Variants in EDA observed in about 807,000 individuals in gnomAD.
EDA encodes ectodysplasin-A.
EDA carries 2 observed loss-of-function variants against 23.6 expected under a neutral mutation model. The observed-to-expected ratio is 0.08, with a 90% CI of 0.03 to 0.27. EDA has a LOEUF of 0.27. Among genes scored for constraint, EDA ranks in the 10% least tolerant of loss-of-function variants. EDA has a pLI of 1.00. For synonymous variants in EDA, 131 were observed against 132.0 expected, an observed-to-expected ratio of 0.99 and a Z score of 0.05; for missense variants, 229 against 324.2, an observed-to-expected ratio of 0.71 and a Z score of 2.26.
chrX:69,734,215 T>C (rs2013161531), intron 1 of EDA, among the ~76,000 whole-genome samples: 1 of 111,794 alleles, frequency 8.9e-6, no homozygotes, highest in African/African-American at 3.2e-5. Context: ...AGTTGTCAAA[T>C]ACATGGACAC....
intron 1 of EDA, among the ~76,000 whole-genome samples, chrX:69,619,619 C>A (rs1230580768): frequency 8.9e-6 from 1 of 112,039 alleles, no homozygotes; most frequent in Non-Finnish European, 1.9e-5. Context: ...CTTCCGTAAT[C>A]AATCATCTCC....
At chrX:69,754,958 T>A (rs1222133575) in intron 1 of EDA, among the ~76,000 whole-genome samples, 1 of 111,812 alleles carries the variant, frequency 8.9e-6, no homozygotes, top group African/African-American at 3.3e-5. Context: ...ATTTGTCTAG[T>A]CTTTTTTCAA....
intron 1 of EDA, among the ~76,000 whole-genome samples, chrX:69,662,297 A>G (rs1933537015): frequency 9.0e-6 from 1 of 111,534 alleles, no homozygotes; most frequent in South Asian, 3.8e-4. Flanking sequence ...TCATGGGAGG[A>G]ACCTGGTGGA....
intron 1 of EDA, among the ~76,000 whole-genome samples, chrX:69,721,485 G>A (rs191500468): frequency 8.9e-6 from 1 of 111,786 alleles, no homozygotes; most frequent in East Asian, 2.8e-4. Flanking sequence ...GTCAGCCTCA[G>A]TATGTCTTGG....
intron 1 of EDA, among the ~76,000 whole-genome samples, chrX:69,680,014 T>C: frequency 9.2e-6 from 1 of 109,098 alleles, no homozygotes; most frequent in East Asian, 2.9e-4. Context: ...GATTCTGGTA[T>C]GTTGTGTCTT....
chrX:70,010,584 G>A (rs770612000), intron 2 of EDA, among the ~76,000 whole-genome samples: 4 of 111,944 alleles, frequency 3.6e-5, no homozygotes, highest in Non-Finnish European at 7.5e-5. Flanking sequence ...TTTAACTGGT[G>A]TGTTCAGAGC....
chrX:69,834,609 C>G (rs1181626469), intron 1 of EDA, among the ~76,000 whole-genome samples: 4 of 107,089 alleles, frequency 3.7e-5, no homozygotes, highest in Non-Finnish European at 5.8e-5. Flanking sequence ...ATGTGTGTCT[C>G]TGCACATGAG....
intron 2 of EDA, among the ~76,000 whole-genome samples, chrX:70,008,309 G>A (rs1347587908): frequency 8.9e-6 from 1 of 112,190 alleles, no homozygotes; most frequent in Non-Finnish European, 1.9e-5. Context: ...CTATCAAATT[G>A]TGGAAGTGCC....
At chrX:69,998,105 G>A (rs901411266) in intron 2 of EDA, among the ~76,000 whole-genome samples, 1 of 111,552 alleles carries the variant, frequency 9.0e-6, no homozygotes, top group Non-Finnish European at 1.9e-5. Flanking sequence ...CCCCAGAATG[G>A]TAGATCCACT....
chrX:69,795,924 C>T (rs1039884139), intron 1 of EDA, among the ~76,000 whole-genome samples: 18 of 111,927 alleles, frequency 1.6e-4, no homozygotes, highest in Middle Eastern at 4.7e-3. Flanking sequence ...TTGCCCAGCC[C>T]GGTCCACCAC....
At chrX:69,687,782 T>C (rs1037263462) in intron 1 of EDA, 1 of 112,015 alleles carries the variant, frequency 8.9e-6, no homozygotes, top group African/African-American at 3.2e-5. Context: ...GAGGGATGCA[T>C]TGATGCAGTC....
At chrX:69,828,170 C>T (rs2016506669) in intron 1 of EDA, among the ~76,000 whole-genome samples, 1 of 111,858 alleles carries the variant, frequency 8.9e-6, no homozygotes, top group South Asian at 3.8e-4. Context: ...TGTGCCCTGC[C>T]CCCAGAGGTG....
At chrX:69,980,617 T>C (rs775243793) in intron 2 of EDA, among the ~76,000 whole-genome samples, 1 of 112,492 alleles carries the variant, frequency 8.9e-6, no homozygotes, top group African/African-American at 3.2e-5. Flanking sequence ...AAAACTAACA[T>C]CTGATTTACT....
At chrX:69,784,769 A>C (rs1189805845) in intron 1 of EDA, among the ~76,000 whole-genome samples, 3 of 105,386 alleles carry the variant, frequency 2.8e-5, no homozygotes, top group Non-Finnish European at 5.9e-5. Flanking sequence ...TGACTTGGCA[A>C]TGCGGGCTCT....
At chrX:69,790,392 A>G (rs751557253) in intron 1 of EDA, among the ~76,000 whole-genome samples, 11 of 110,349 alleles carry the variant, frequency 1.0e-4, no homozygotes, top group African/African-American at 3.0e-4. Flanking sequence ...GAATGTGTTC[A>G]GATACTACTT....
chrX:69,975,383 G>A (rs1310928580), intron 2 of EDA, among the ~76,000 whole-genome samples: 1 of 111,129 alleles, frequency 9.0e-6, no homozygotes, highest in African/African-American at 3.3e-5. Flanking sequence ...CAAATACCAG[G>A]TGTTCTCACT....
At chrX:69,949,596 C>T (rs2018883635) in intron 1 of EDA, among the ~76,000 whole-genome samples, 1 of 111,372 alleles carries the variant, frequency 9.0e-6, no homozygotes, top group African/African-American at 3.3e-5. Flanking sequence ...TGATTCCTGC[C>T]AATAGTGTAT....
At chrX:69,922,880 A>G (rs2018456539) in intron 1 of EDA, among the ~76,000 whole-genome samples, 1 of 111,280 alleles carries the variant, frequency 9.0e-6, no homozygotes, top group Non-Finnish European at 1.9e-5. Context: ...CAAGATGCCT[A>G]TAAGATTATT....
At position 69,717,188 on chromosome X, in the gene EDA, A is replaced by T. The variant is rs753024154; in HGVS notation, c.396+100484A>T. 2.7e-5 allele frequency among the ~76,000 whole-genome samples: 3 copies of T among 110,531 alleles called. No homozygotes were observed. In the South Asian group the frequency reaches 1.2e-3, roughly 43 times the overall value. On this transcript the variant is annotated intron_variant, in intron 1 of 7. Transcript: ENST00000374552. ...TTCCAGCTTTTGCCCATTCAATATG[A>T]TGTTGTCTGTGGGTTTGTCATAAAT...
Sources: allele counts gnomAD v4.1 joint callset (sites outside exome capture counted in the v4.1 genomes callset), GRCh38; gene constraint gnomAD v4.1.1; transcripts MANE v1.5; gene names NCBI Gene and HGNC (gene_info 2026-07-23, HGNC 2026-07-21).